Variants in ZNF536 observed in about 807,000 individuals in gnomAD.
ZNF536 encodes the protein zinc finger protein 536.
A neutral mutation model predicts 84.5 loss-of-function variants in ZNF536; 13 were observed. That is an observed-to-expected ratio of 0.15 (90% CI 0.10 to 0.24). The LOEUF (loss-of-function observed/expected upper bound fraction) is 0.24, where lower values mean the gene tolerates loss of function less well. Ranked by LOEUF, ZNF536 falls within the 10% of genes least tolerant of loss-of-function variation. The pLI, the probability that ZNF536 is intolerant of heterozygous loss-of-function variation, is 1.00. For missense variants in ZNF536, 1,536 were observed against 1,747.5 expected (o/e 0.88, Z 2.16); for synonymous variants, 811 against 742.5 (o/e 1.09, Z -1.50).
At chr19:30,618,231 G>A (rs1182799272) in intron 1 of ZNF536, among the ~76,000 whole-genome samples, 1 of 152,132 alleles carries the variant, frequency 6.6e-6, no homozygotes, top group Non-Finnish European at 1.5e-5. Flanking sequence ...TCAATTGATT[G>A]TTATGAAGTG....
At chr19:30,418,236 T>C (rs2050814498) in intron 1 of ZNF536, among the ~76,000 whole-genome samples, 1 of 152,106 alleles carries the variant, frequency 6.6e-6, no homozygotes, top group African/African-American at 2.4e-5. Flanking sequence ...ATTTTTGACA[T>C]TGATGGAGCA....
chr19:30,494,386 C>T (rs1157034496), intron 2 of ZNF536, among the ~76,000 whole-genome samples: 2 of 152,210 alleles, frequency 1.3e-5, no homozygotes, highest in African/African-American at 2.4e-5. Context: ...CGACTTCACT[C>T]CGCCATTCCT....
At chr19:30,296,650 C>T (rs540919280) in intron 2 of ZNF536, among the ~76,000 whole-genome samples, 1 of 152,196 alleles carries the variant, frequency 6.6e-6, no homozygotes, top group Non-Finnish European at 1.5e-5. Flanking sequence ...TCTCTACCCC[C>T]AGGGAGCCTA....
At chr19:30,701,363 A>T (rs535396353) in intron 1 of ZNF536, among the ~76,000 whole-genome samples, 2 of 151,852 alleles carry the variant, frequency 1.3e-5, no homozygotes, top group Non-Finnish European at 2.9e-5. Flanking sequence ...ACACACAAAC[A>T]CAAATACACA....
At chr19:30,508,964 A>T (rs1292092485) in intron 2 of ZNF536, among the ~76,000 whole-genome samples, 1 of 149,562 alleles carries the variant, frequency 6.7e-6, no homozygotes. Context: ...AGTATCTGGG[A>T]GCACAGTTGT....
intron 2 of ZNF536, among the ~76,000 whole-genome samples, chr19:30,503,937 C>T (rs1377304764): frequency 1.3e-5 from 2 of 149,206 alleles, no homozygotes; most frequent in African/African-American, 5.0e-5. Context: ...TTTTAATGAA[C>T]GCGTTATTTT....
At chr19:30,464,373 G>A (rs1600850973) in intron 2 of ZNF536, among the ~76,000 whole-genome samples, 1 of 152,132 alleles carries the variant, frequency 6.6e-6, no homozygotes. Flanking sequence ...GGCCCTCGAG[G>A]GGTAAAGGTC....
At position 30,548,826 on chromosome 19, in the gene ZNF536, C is replaced by G. The variant is rs1321412404; in HGVS notation, c.3207C>G (p.Ile1069Met). The G allele has an allele frequency of 6.2e-7, 1 of 1,614,106 alleles. No individual in the cohort carries two copies. Among genetic ancestry groups the G allele is most frequent in the South Asian group, 1.1e-5 (1 of 91,078 alleles). The part of the protein sequence containing the change: ...SNKDLGLSNM[I>M]SSLDSASEKM... ...AAGACCTGGGCCTCTCCAATATGAT[C>G]AGCTCTCTAGACTCTGCTTCTGAGA... Residue 1069 changes from isoleucine to methionine, a missense_variant, in exon 4 of 5, where the codon ATC becomes ATG. Physicochemically the swap from Ile to Met is conservative, Grantham distance 10. Transcript: ENST00000355537.
intron 1 of ZNF536, among the ~76,000 whole-genome samples, chr19:30,271,222 TG>T (rs2025816156): frequency 6.6e-6 from 1 of 151,824 alleles, no homozygotes; most frequent in African/African-American, 2.4e-5. Flanking sequence ...TTCTGTGCCC[TG>T]TGTTTGCACA....
At chr19:30,574,713 C>T (rs2146593265) in intron 1 of ZNF536, among the ~76,000 whole-genome samples, 1 of 152,322 alleles carries the variant, frequency 6.6e-6, no homozygotes, top group South Asian at 2.1e-4. Flanking sequence ...GGCCATGTCA[C>T]AGCAACAAAA....
At chr19:30,549,819 G>T (rs1416617120) in intron 4 of ZNF536, among the ~76,000 whole-genome samples, 1 of 152,142 alleles carries the variant, frequency 6.6e-6, no homozygotes, top group Non-Finnish European at 1.5e-5. Context: ...GAACTTGAAG[G>T]GGGGAAAATC....
chr19:30,615,771 G>A (rs1160415247), intron 1 of ZNF536, among the ~76,000 whole-genome samples: 1 of 151,870 alleles, frequency 6.6e-6, no homozygotes, highest in Non-Finnish European at 1.5e-5. Context: ...GAGCAAAATA[G>A]GGCTTCCTAT....
chr19:30,681,553 A>G (rs1600247706), intron 1 of ZNF536, among the ~76,000 whole-genome samples: 1 of 152,178 alleles, frequency 6.6e-6, no homozygotes, highest in Non-Finnish European at 1.5e-5. Context: ...TAGCTGGGGC[A>G]CCAGCCAAGA....
rs34995610 is a variant in ZNF536, at chr19:30,569,559, C to CTTTTTTTTTTT, written c.169+20065_169+20075dup. 7.4e-3 allele frequency among the ~76,000 whole-genome samples: 405 copies of CTTTTTTTTTTT among 55,078 alleles called. 88 individuals are homozygous for CTTTTTTTTTTT. Among genetic ancestry groups the CTTTTTTTTTTT allele is most frequent in the East Asian group, 0.024 (26 of 1,106 alleles). 36.1% of individuals were successfully genotyped at this position (55,078 alleles called of 152,430 possible). ...ATGGAATCGAAGCCAGATAAACGTT[C>CTTTTTTTTTTT]TTTTTTTTTTTTTTTTTTTTTTTTT... On this transcript the variant is annotated intron_variant, in intron 1 of 1. Transcript: ENST00000592773.
intron 2 of ZNF536, among the ~76,000 whole-genome samples, chr19:30,507,360 C>A (rs1476173925): frequency 2.0e-5 from 3 of 151,258 alleles, no homozygotes; most frequent in Non-Finnish European, 4.4e-5. Context: ...CAAAAAAAAA[C>A]CAAAAAACAA....
chr19:30,382,461 A>G (rs1014986713), intron 1 of ZNF536, among the ~76,000 whole-genome samples: 3 of 152,236 alleles, frequency 2.0e-5, no homozygotes, highest in Non-Finnish European at 4.4e-5. Context: ...TGGTATTTAC[A>G]AATTAATAAA....
chr19:30,269,947 T>G (rs1262792399), intron 1 of ZNF536, among the ~76,000 whole-genome samples: 1 of 152,248 alleles, frequency 6.6e-6, no homozygotes, highest in African/African-American at 2.4e-5. Context: ...ACTGGGTTTT[T>G]GTTTTGGTTG....
At chr19:30,333,883 T>C (rs775061665) in intron 2 of ZNF536, among the ~76,000 whole-genome samples, 3 of 152,218 alleles carry the variant, frequency 2.0e-5, no homozygotes, top group Non-Finnish European at 4.4e-5. Flanking sequence ...GAGCCCGGAA[T>C]AGTGATTATT....
chr19:30,244,252 A>G (rs2024123767), intron 1 of ZNF536, among the ~76,000 whole-genome samples: 2 of 152,064 alleles, frequency 1.3e-5, no homozygotes, highest in East Asian at 1.9e-4. Flanking sequence ...CACCTGACCC[A>G]TCCCTCATTA....
Sources: gnomAD v4.1 joint callset for allele counts (sites outside exome capture counted in the v4.1 genomes callset) on GRCh38, gnomAD v4.1.1 for gene constraint, MANE v1.5 for transcripts, NCBI Gene and HGNC (gene_info 2026-07-23, HGNC 2026-07-21) for gene names.